MTOR: variants seen among roughly 807,000 people sequenced by gnomAD.
MTOR encodes the protein serine/threonine-protein kinase mTOR.
In MTOR, 70 loss-of-function variants were observed where a neutral mutation model predicts 319.8. That is an observed-to-expected ratio of 0.22 (90% CI 0.18 to 0.27). The LOEUF is 0.27. Among genes scored for constraint, MTOR ranks in the 10% least tolerant of loss-of-function variants. The probability of loss-of-function intolerance (pLI) is 1.00; values close to 1 mark genes in which losing one functional copy is unlikely to be tolerated. For missense variants in MTOR, 1,890 were observed against 3,274.4 expected (o/e 0.58, Z 10.32); for synonymous variants, 1,183 against 1,211.4 (o/e 0.98, Z 0.49).
rs1431281271 is a variant in MTOR at position 11,258,519 on chromosome 1, A to G, written c.237T>C (p.Asp79=). ...HHIFELVSSS[D]ANERKGGILA... ...AGATGCCACCTTTCCTCTCATTGGC[A>G]TCTGAGCTGGAAACCAATTCAAAAA... The change falls in exon 3 of 58, where the codon GAT becomes GAC. Residue 79 remains aspartate, a synonymous_variant. Transcript: ENST00000361445. 6.2e-7 allele frequency: 1 copy of G among 1,614,146 alleles called. No homozygotes were observed.
intron 31 of MTOR, among the ~76,000 whole-genome samples, chr1:11,148,437 A>G (rs1235837529): frequency 1.3e-5 from 2 of 152,172 alleles, no homozygotes. Flanking sequence ...CCTGAGTGAT[A>G]GGAGTGTTCC....
intron 25 of MTOR, among the ~76,000 whole-genome samples, chr1:11,208,035 A>C (rs1646194669): frequency 6.6e-6 from 1 of 152,048 alleles, no homozygotes. Flanking sequence ...AGCAGGGTGG[A>C]CGGCTGCCTG....
intron 6 of MTOR, among the ~76,000 whole-genome samples, chr1:11,251,954 GA>G (rs1181109664): frequency 6.6e-6 from 1 of 152,116 alleles, no homozygotes; most frequent in Non-Finnish European, 1.5e-5. Context: ...TTAAACTCAG[GA>G]GGTAAAATCT....
intron 29 of MTOR, among the ~76,000 whole-genome samples, chr1:11,162,229 A>G (rs946249397): frequency 2.0e-5 from 3 of 152,232 alleles, no homozygotes; most frequent in African/African-American, 7.2e-5. Flanking sequence ...AGAGAAGTTT[A>G]GAGAAAAAAT....
intron 28 of MTOR, chr1:11,194,367 G>A (rs1389045284): frequency 8.6e-6 from 10 of 1,163,098 alleles, no homozygotes; most frequent in African/African-American, 1.5e-5. Flanking sequence ...ATAAAAAGAT[G>A]TTTGGCTATG....
chr1:11,130,953 C>CAAAG, intron 38 of MTOR, 176 bp from the exon 39 acceptor site: 2 of 789,308 alleles, frequency 2.5e-6, no homozygotes, highest in Non-Finnish European at 3.9e-6. Context: ...ACATGATCCA[C>CAAAG]TCACTTTGTG....
At chr1:11,201,784 A>G (rs1213269090) in intron 26 of MTOR, among the ~76,000 whole-genome samples, 1 of 152,104 alleles carries the variant, frequency 6.6e-6, no homozygotes, top group African/African-American at 2.4e-5. Flanking sequence ...TAAATCTTTC[A>G]CATGCATTAG....
intron 36 of MTOR, among the ~76,000 whole-genome samples, chr1:11,135,708 C>CT (rs756880766): frequency 5.3e-5 from 8 of 151,600 alleles, no homozygotes; most frequent in Admixed American, 6.6e-5. Flanking sequence ...TGGGGCGCGC[C>CT]TGTAATCCCA....
chr1:11,112,759 T>C, intron 54 of MTOR, 93 bp downstream of exon 54: 1 of 1,303,048 alleles, frequency 7.7e-7, no homozygotes, highest in Non-Finnish European at 1.1e-6. Flanking sequence ...TGTAACGTCC[T>C]GCGGGATGCA....
At chr1:11,241,736 C>A in intron 9 of MTOR, 55 bp from the exon 10 acceptor site, 1 of 1,572,042 alleles carries the variant, frequency 6.4e-7, no homozygotes. Context: ...TTTAATGTCC[C>A]ACCTCAAAAT....
rs757060129 is a variant in MTOR at position 11,127,067 on chromosome 1, G to A, written c.6294C>T (p.Thr2098=). The A allele has an allele frequency of 5.0e-6, 8 of 1,614,144 alleles. No homozygotes were observed. Among genetic ancestry groups the A allele is most frequent in the South Asian group, 1.1e-5 (1 of 91,076 alleles). The stretch of plus-strand genomic sequence containing the variant: ...CATGATAATAGAGGTCCCAGGCTTG[G>A]GTGAGGTCCTTGACATTCCCTGATT... ...YMKSGNVKDL[T]QAWDLYYHVF... Residue 2098 remains threonine, a synonymous_variant, in exon 45 of 58, where the codon ACC becomes ACT. Transcript: ENST00000361445. This position sits in a 1 kb window ranked among gnomAD's most constrained non-coding sequence, Gnocchi z 5.5.
In MTOR at chr1:11,210,794, A is replaced by C. The variant is rs377428937; in HGVS notation, c.3654+20T>G. ...GTAAAGACAACAGGGACTTCAGAACAGAAAAGAAGTATAGTTCACCTTGAC... is the reference window on the plus strand; with the variant it reads ...GTAAAGACAACAGGGACTTCAGAACCGAAAAGAAGTATAGTTCACCTTGAC... On this transcript the variant is annotated intron_variant, in intron 24 of 57. Coordinates refer to ENST00000361445, the MANE Select transcript of MTOR (RefSeq NM_004958.4). 3.9e-5 allele frequency: 61 copies of C among 1,557,456 alleles called. No homozygotes were observed. Among genetic ancestry groups the C allele is most frequent in the Middle Eastern group, 3.4e-4 (2 of 5,926 alleles).
chr1:11,112,804 C>T (rs2100304116), intron 54 of MTOR, 48 bp downstream of exon 54: 1 of 1,601,820 alleles, frequency 6.2e-7, no homozygotes, highest in Non-Finnish European at 8.6e-7. Context: ...TCTACAAACA[C>T]TCTGCACAAG....
chr1:11,124,763 A>C, intron 46 of MTOR, 130 bp from the exon 47 acceptor site: 1 of 1,030,848 alleles, frequency 9.7e-7, no homozygotes, highest in Non-Finnish European at 1.3e-6. Context: ...TCACAAAAAG[A>C]AAAAACAATC....
intron 5 of MTOR, 123 bp downstream of exon 5, chr1:11,255,867 TCA>T: frequency 1.3e-6 from 1 of 759,652 alleles, no homozygotes. Flanking sequence ...AAAAAAAAAT[TCA>T]TTTGAGAGCA....
intron 28 of MTOR, chr1:11,189,193 T>G (rs531419886): frequency 5.4e-6 from 1 of 184,334 alleles, no homozygotes; most frequent in Non-Finnish European, 1.2e-5. Flanking sequence ...ACTCGCCCCA[T>G]CTCCCTCCTC....
intron 25 of MTOR, among the ~76,000 whole-genome samples, chr1:11,207,266 T>A (rs1264302151): frequency 6.6e-6 from 1 of 152,114 alleles, no homozygotes; most frequent in Non-Finnish European, 1.5e-5. Flanking sequence ...CATGTCCAGC[T>A]AATTTTTGTA....
intron 31 of MTOR, among the ~76,000 whole-genome samples, chr1:11,147,498 C>T (rs1353098597): frequency 1.3e-5 from 2 of 152,194 alleles, no homozygotes; most frequent in African/African-American, 4.8e-5. Context: ...ATATCAGCTT[C>T]ATTAGCTGCA....
chr1:11,213,275 G>C, intron 21 of MTOR, 124 bp downstream of exon 21: 1 of 990,740 alleles, frequency 1.0e-6, no homozygotes, highest in Non-Finnish European at 1.5e-6. Flanking sequence ...AGTATTCTTG[G>C]GATTCTGTCT....
Sources: gnomAD v4.1 joint callset for allele counts (sites outside exome capture counted in the v4.1 genomes callset) on GRCh38, gnomAD v4.1.1 for gene constraint, Gnocchi (gnomAD v3.1) non-coding constraint, MANE v1.5 for transcripts, NCBI Gene and HGNC (gene_info 2026-07-23, HGNC 2026-07-21) for gene names.